GPHN: variants seen among roughly 807,000 people sequenced by gnomAD.
GPHN encodes the protein gephyrin.
GPHN carries 17 observed loss-of-function variants against 95.5 expected under a neutral mutation model. That is an observed-to-expected ratio of 0.18 (90% CI 0.12 to 0.27). The LOEUF (loss-of-function observed/expected upper bound fraction) is 0.27. Among genes scored for constraint, GPHN ranks in the 10% least tolerant of loss-of-function variants. The probability of loss-of-function intolerance (pLI) is 1.00; values close to 1 mark genes in which losing one functional copy is unlikely to be tolerated. For synonymous variants in GPHN, 320 were observed against 322.5 expected (o/e 0.99, Z 0.08); for missense variants, 660 against 978.1 (o/e 0.67, Z 4.34).
At chr14:67,680,355 C>CA in the GPHN span, among the ~76,000 whole-genome samples, 2 of 152,176 alleles carry the variant, frequency 1.3e-5, no homozygotes, top group Non-Finnish European at 2.9e-5. Flanking sequence ...CTGCATCCTC[C>CA]ACTGCACTGT....
intron 2 of GPHN, among the ~76,000 whole-genome samples, chr14:66,736,591 G>T (rs949979877): frequency 6.6e-6 from 1 of 151,230 alleles, no homozygotes; most frequent in East Asian, 1.9e-4. Context: ...GTACAGACGG[G>T]GTTTCATCAT....
the GPHN span, among the ~76,000 whole-genome samples, chr14:67,215,295 A>G: frequency 4.6e-5 from 7 of 152,196 alleles, no homozygotes; most frequent in Non-Finnish European, 1.0e-4. Context: ...TCAAAAAGAT[A>G]AAAAATGGTT....
chr14:67,078,273 G>A (rs2076570044), intron 11 of GPHN, among the ~76,000 whole-genome samples: 1 of 152,002 alleles, frequency 6.6e-6, no homozygotes, highest in African/African-American at 2.4e-5. Context: ...ATTATAAATG[G>A]GGCTCTTCCT....
At chr14:67,290,240 A>G in the GPHN span, among the ~76,000 whole-genome samples, 1 of 152,176 alleles carries the variant, frequency 6.6e-6, no homozygotes, top group Non-Finnish European at 1.5e-5. Context: ...GACATAACTA[A>G]TTTACAATAG....
the GPHN span, among the ~76,000 whole-genome samples, chr14:67,310,573 C>T: frequency 6.6e-6 from 1 of 152,116 alleles, no homozygotes; most frequent in Non-Finnish European, 1.5e-5. Context: ...ATTCACTATG[C>T]TATACACTTA....
chr14:66,523,940 T>G (rs920566256), intron 1 of GPHN, among the ~76,000 whole-genome samples: 5 of 152,242 alleles, frequency 3.3e-5, no homozygotes, highest in African/African-American at 9.6e-5. Context: ...TTGATCTAAA[T>G]TCTTGTCTTC....
chr14:67,481,240 G>A, the GPHN span, among the ~76,000 whole-genome samples: 1 of 152,146 alleles, frequency 6.6e-6, no homozygotes, highest in South Asian at 2.1e-4. Context: ...CTATGATTGT[G>A]CCACTGCACT....
intron 2 of GPHN, among the ~76,000 whole-genome samples, chr14:66,702,099 A>G (rs546180318): frequency 3.9e-5 from 6 of 151,910 alleles, no homozygotes; most frequent in Non-Finnish European, 8.8e-5. Flanking sequence ...CCCTGCAGGA[A>G]CTCCAAAAAC....
chr14:67,418,110 A>G, the GPHN span, among the ~76,000 whole-genome samples: 1 of 152,224 alleles, frequency 6.6e-6, no homozygotes, highest in East Asian at 1.9e-4. Context: ...TGTTCCTACT[A>G]TGTGCCAAAG....
the GPHN span, among the ~76,000 whole-genome samples, chr14:67,433,841 T>C: frequency 9.2e-5 from 14 of 152,234 alleles, no homozygotes; most frequent in African/African-American, 3.4e-4. Flanking sequence ...TTAACAAATA[T>C]CGTCTAAGTG....
intron 1 of GPHN, among the ~76,000 whole-genome samples, chr14:66,634,716 TG>T (rs1365628457): frequency 1.3e-5 from 2 of 152,228 alleles, no homozygotes; most frequent in Non-Finnish European, 2.9e-5. Context: ...CCCAGGCTCC[TG>T]GGTGAGGCGC....
chr14:66,686,061 G>A (rs2067336274), intron 2 of GPHN, among the ~76,000 whole-genome samples: 1 of 152,138 alleles, frequency 6.6e-6, no homozygotes, highest in Non-Finnish European at 1.5e-5. Flanking sequence ...GGTTGTAGAT[G>A]TGTGGCATTA....
chr14:66,929,418 T>C (rs1390080851), intron 8 of GPHN, among the ~76,000 whole-genome samples: 2 of 152,204 alleles, frequency 1.3e-5, no homozygotes, highest in Non-Finnish European at 2.9e-5. Flanking sequence ...AGTCTCCAGC[T>C]ATTGGCATAT....
intron 9 of GPHN, among the ~76,000 whole-genome samples, chr14:67,003,401 A>G (rs1056000129): frequency 6.6e-6 from 1 of 151,696 alleles, no homozygotes; most frequent in African/African-American, 2.4e-5. Context: ...TTAATGTAGG[A>G]ATCTATCTAC....
At chr14:66,757,743 G>A (rs1190839737) in intron 2 of GPHN, among the ~76,000 whole-genome samples, 1 of 152,100 alleles carries the variant, frequency 6.6e-6, no homozygotes, top group Admixed American at 6.6e-5. Flanking sequence ...TGGCAGGGTA[G>A]GGAGGAAAAC....
At chr14:66,571,040 A>G (rs2060667951) in intron 1 of GPHN, among the ~76,000 whole-genome samples, 1 of 152,172 alleles carries the variant, frequency 6.6e-6, no homozygotes, top group African/African-American at 2.4e-5. Context: ...GGGGTGTATT[A>G]GTCCGTTTTC....
the GPHN span, among the ~76,000 whole-genome samples, chr14:67,663,922 A>G: frequency 6.6e-6 from 1 of 152,172 alleles, no homozygotes; most frequent in Non-Finnish European, 1.5e-5. Flanking sequence ...TTCATTGACT[A>G]CAAAATGAGG....
At chr14:67,050,189 T>A (rs941629566) in intron 10 of GPHN, among the ~76,000 whole-genome samples, 1 of 152,212 alleles carries the variant, frequency 6.6e-6, no homozygotes, top group African/African-American at 2.4e-5. Flanking sequence ...TTTTTGCCAA[T>A]TAAAAATAAA....
At chr14:67,270,592 T>C in the GPHN span, 1 of 151,720 alleles carries the variant, frequency 6.6e-6, no homozygotes, top group African/African-American at 2.4e-5. Context: ...AAGGACTTTT[T>C]TTTTTTTTTT....
Sources: allele counts gnomAD v4.1 joint callset (sites outside exome capture counted in the v4.1 genomes callset), GRCh38; gene constraint gnomAD v4.1.1; transcripts MANE v1.5; gene names NCBI Gene and HGNC (gene_info 2026-07-23, HGNC 2026-07-21).